The following RPAP2 variants were observed in gnomAD, a reference collection of about 807,000 sequenced individuals.
The protein encoded by RPAP2 is putative RNA polymerase II subunit B1 CTD phosphatase RPAP2.
Under a neutral mutation model 73.1 loss-of-function variants are expected in RPAP2, and 52 were observed. The observed-to-expected ratio is 0.71, with a 90% confidence interval of 0.57 to 0.90. The LOEUF (loss-of-function observed/expected upper bound fraction) is 0.90. RPAP2 is among the 40% of genes least tolerant of loss of function. The pLI is 0.00. For synonymous variants in RPAP2, 225 were observed against 242.1 expected, an observed-to-expected ratio of 0.93 and a Z score of 0.65; for missense variants, 598 against 701.8, an observed-to-expected ratio of 0.85 and a Z score of 1.67.
At chr1:92,360,984 T>G (rs188124430) in intron 11 of RPAP2, among the ~76,000 whole-genome samples, 37 of 152,008 alleles carry the variant, frequency 2.4e-4, no homozygotes, top group Middle Eastern at 3.4e-3. Flanking sequence ...TTTTCTCATA[T>G]TCATGACTTT....
Position 92,324,180 on chromosome 1 carries a change from C to T in RPAP2, c.1260C>T (p.Phe420=), listed in dbSNP as rs768653128. Reference sequence around the variant, plus strand: ...TAATCTCAGATCCAGATAGTCATTTCCCTGCCTGGAGGGAATCTCAGAACA... The same window carrying T: ...TAATCTCAGATCCAGATAGTCATTTTCCTGCCTGGAGGGAATCTCAGAACA... ...DDIISDPDSH[F]PAWRESQNSL... is the part of the protein sequence containing the mutation. Residue 420 remains phenylalanine, a synonymous_variant, in exon 8 of 13, where the codon TTC becomes TTT. Transcript: ENST00000610020. The T allele has an allele frequency of 8.1e-5, 131 of 1,613,980 alleles. No individual in the cohort carries two copies. Among genetic ancestry groups the T allele is most frequent in the Non-Finnish European group, 1.1e-4 (126 of 1,179,984 alleles).
chr1:92,385,405 T>C (rs1655826991), intron 12 of RPAP2, among the ~76,000 whole-genome samples: 1 of 152,244 alleles, frequency 6.6e-6, no homozygotes, highest in African/African-American at 2.4e-5. Flanking sequence ...ATTTACATTG[T>C]TCATTTGCTT....
intron 4 of RPAP2, 34 bp from the exon 5 acceptor site, chr1:92,304,250 G>A (rs548821659): frequency 1.5e-6 from 2 of 1,347,204 alleles, no homozygotes; most frequent in South Asian, 2.5e-5. Flanking sequence ...TTATTATTTG[G>A]ATTCTTTTGT....
rs532779894 is a variant in RPAP2 at position 92,399,456 on chromosome 1, C to T, written c.*12445C>T. The T allele has an allele frequency of 6.6e-6, 1 of 152,100 alleles. No homozygotes were observed. The highest frequency in any genetic ancestry group is 6.5e-5 in the Admixed American group (1 of 15,272). The allele number at this position is 152,100 out of a possible 1,614,324, so 9.4% of individuals were successfully genotyped here. ...TAAGAGCAATAAAATGAAGTTTTAA[C>T]AGTGAAAACTTCTATCACTTAGATA... On this transcript the variant is annotated 3_prime_UTR_variant, in exon 13 of 13. Coordinates refer to ENST00000610020, the MANE Select transcript of RPAP2 (RefSeq NM_024813.3).
At chr1:92,365,900 C>T (rs1654915492) in intron 11 of RPAP2, among the ~76,000 whole-genome samples, 1 of 152,078 alleles carries the variant, frequency 6.6e-6, no homozygotes. Flanking sequence ...TACTGACTTA[C>T]ATGACCTTAA....
intron 10 of RPAP2, among the ~76,000 whole-genome samples, chr1:92,337,760 C>G (rs1037584657): frequency 6.6e-6 from 1 of 152,028 alleles, no homozygotes; most frequent in Non-Finnish European, 1.5e-5. Flanking sequence ...ATTTTTCCAA[C>G]TCATGATAGT....
chr1:92,349,227 G>T (rs949483443), intron 11 of RPAP2, among the ~76,000 whole-genome samples: 2 of 152,044 alleles, frequency 1.3e-5, no homozygotes, highest in African/African-American at 4.8e-5. Context: ...TTATAGCTAG[G>T]CAAAAGATTC....
In RPAP2 at chr1:92,323,710, G is replaced by T; in HGVS notation, c.790G>T (p.Glu264Ter). The T allele has an allele frequency of 6.2e-7, 1 of 1,614,056 alleles. No individual in the cohort carries two copies. ...HKANSKHKDKEQTVVDVTEQL... is the reference protein window; with the variant it reads ...HKANSKHKDK ...AGCTAACTCCAAACACAAAGACAAA[G>T]AACAGACAGTAGTAGATGTCACTGA... The change falls in exon 8 of 13, where the codon GAA becomes TAA. Residue 264 changes from glutamate to a stop codon, truncating the protein, a stop_gained. Coordinates refer to ENST00000610020, the MANE Select transcript of RPAP2 (RefSeq NM_024813.3). LOFTEE classifies it high-confidence loss of function.
At chr1:92,363,188 G>T (rs1183269066) in intron 11 of RPAP2, among the ~76,000 whole-genome samples, 1 of 152,180 alleles carries the variant, frequency 6.6e-6, no homozygotes, top group African/African-American at 2.4e-5. Context: ...CTCTTTTGAG[G>T]AACCTGATGA....
intron 10 of RPAP2, among the ~76,000 whole-genome samples, chr1:92,342,172 T>C (rs1175955162): frequency 3.3e-5 from 5 of 152,164 alleles, no homozygotes; most frequent in African/African-American, 1.2e-4. Flanking sequence ...AGGGAGAAAG[T>C]TGCACTTTTT....
At chr1:92,372,531 A>C (rs1655197325) in intron 11 of RPAP2, among the ~76,000 whole-genome samples, 1 of 152,164 alleles carries the variant, frequency 6.6e-6, no homozygotes, top group Admixed American at 6.5e-5. Flanking sequence ...TCACTGATGG[A>C]TGTTTTGAAA....
At chr1:92,371,314 AAAAAAATATAT>A (rs1325254161) in intron 11 of RPAP2, among the ~76,000 whole-genome samples, 21 of 41,180 alleles carry the variant, frequency 5.1e-4, no homozygotes, top group Admixed American at 3.2e-3. Context: ...CAAAAAAAAA[AAAAAAATATAT>A]ATATATATAT....
At chr1:92,302,749 A>G (rs1275056819) in intron 3 of RPAP2, among the ~76,000 whole-genome samples, 3 of 151,390 alleles carry the variant, frequency 2.0e-5, no homozygotes, top group East Asian at 2.0e-4. Flanking sequence ...CTGGGCGCCC[A>G]CCATTACGCC....
At position 92,399,579 on chromosome 1, in the gene RPAP2, A is replaced by G. The variant is rs555667101; in HGVS notation, c.*12568A>G. On this transcript the variant is annotated 3_prime_UTR_variant, in exon 13 of 13. Transcript: ENST00000610020. ...CACTTCAGGTACTGTAATGTTTTGA[A>G]GTTGACACATATAATTTAATGTAGT... 1.3e-5 allele frequency: 2 copies of G among 152,220 alleles called. No homozygotes were observed. The highest frequency in any genetic ancestry group is 2.9e-5 in the Non-Finnish European group (2 of 68,046). The allele number at this position is 152,220 out of a possible 1,614,324, so 9.4% of individuals were successfully genotyped here. A position where few individuals can be genotyped will look rare whatever the true frequency, so the allele number is the denominator to read the frequency against.
chr1:92,335,462 T>G (rs1653227953), intron 9 of RPAP2, among the ~76,000 whole-genome samples: 1 of 152,040 alleles, frequency 6.6e-6, no homozygotes, highest in Non-Finnish European at 1.5e-5. Flanking sequence ...GAAGTAAAAA[T>G]TACCTGTAAT....
rs1656147463 is a variant in RPAP2, at chr1:92,394,925, T to C, written c.*7914T>C. ...TCTGATCCAGAACTTACTACAAAGC[T>C]ACATTAATCAAGACAGTGTGGTACT... is the stretch of plus-strand genomic sequence containing the variant. On this transcript the variant is annotated 3_prime_UTR_variant, in exon 13 of 13. Transcript: ENST00000610020. 6.6e-6 allele frequency: 1 copy of C among 152,168 alleles called. No homozygotes were observed. Among genetic ancestry groups the C allele is most frequent in the Non-Finnish European group, 1.5e-5 (1 of 68,034 alleles). 9.4% of individuals were successfully genotyped at this position (152,168 alleles called of 1,614,324 possible).
intron 11 of RPAP2, among the ~76,000 whole-genome samples, chr1:92,346,910 T>C (rs372522810): frequency 2.0e-5 from 3 of 152,210 alleles, no homozygotes; most frequent in East Asian, 3.9e-4. Flanking sequence ...TTGAAGCCCA[T>C]AGGACATTGA....
chr1:92,377,069 A>T (rs1655410069), intron 11 of RPAP2, among the ~76,000 whole-genome samples: 1 of 152,210 alleles, frequency 6.6e-6, no homozygotes, highest in South Asian at 2.1e-4. Flanking sequence ...TATAATTGAT[A>T]AAAAGAGCTA....
At chr1:92,351,553 T>C (rs1323401963) in intron 11 of RPAP2, among the ~76,000 whole-genome samples, 3 of 152,182 alleles carry the variant, frequency 2.0e-5, no homozygotes, top group African/African-American at 7.2e-5. Context: ...GCTCAGCTTC[T>C]GTCCCATTTA....
Sources: allele counts gnomAD v4.1 joint callset (sites outside exome capture counted in the v4.1 genomes callset), GRCh38; gene constraint gnomAD v4.1.1; transcripts MANE v1.5; gene names NCBI Gene and HGNC (gene_info 2026-07-23, HGNC 2026-07-21).